BCL2: variants seen among roughly 807,000 people sequenced by gnomAD.
The protein encoded by BCL2 is apoptosis regulator Bcl-2.
A neutral mutation model predicts 14.2 loss-of-function variants in BCL2; 1 was observed. The ratio of observed to expected loss-of-function variants is 0.07; its 90% CI spans 0.02 to 0.33. The LOEUF is 0.33. Among genes scored for constraint, BCL2 ranks in the 10% least tolerant of loss-of-function variants. BCL2 has a pLI of 0.99. For synonymous variants in BCL2, 151 were observed against 137.2 expected (o/e 1.10, Z -0.70); for missense variants, 247 against 305.9 (o/e 0.81, Z 1.44).
In BCL2 at chr18:63,318,424, G is replaced by A. The variant is rs1488187470; in HGVS notation, c.243C>T (p.Ala81=). ...PLQTPAAPGA[A]AGPALSPVPP... is the part of the protein sequence containing the mutation. ...GCACCGGGCTGAGCGCAGGCCCCGC[G>A]GCGGCGCCGGGGGCAGCCGGGGTCT... The change falls in exon 2 of 3, where the codon GCC becomes GCT. Residue 81 remains alanine (A), a synonymous_variant. Transcript: ENST00000333681. The surrounding 1 kb of genome is among the most constrained non-coding windows in gnomAD (Gnocchi z 7.4). 6.7e-7 allele frequency: 1 copy of A among 1,490,774 alleles called. No individual in the cohort carries two copies. The highest frequency in any genetic ancestry group is 2.5e-5 in the East Asian group (1 of 40,418). The allele number at this position is 1,490,774 out of a possible 1,614,324, so 92.3% of individuals were successfully genotyped here.
At chr18:63,238,833 G>A (rs1910912480) in intron 2 of BCL2, among the ~76,000 whole-genome samples, 3 of 152,192 alleles carry the variant, frequency 2.0e-5, no homozygotes, top group African/African-American at 4.8e-5. Flanking sequence ...CAAGATGAGC[G>A]TATGGATTGT....
rs753658525 is a variant in BCL2 at position 63,240,144 on chromosome 18, C to G, written c.585+77938G>C. ...AGCTGGGACTACAGACGTGCCACCACGTTTGGTTAATTTTTGTATTTCTTG... is the reference window on the plus strand; with the variant it reads ...AGCTGGGACTACAGACGTGCCACCAGGTTTGGTTAATTTTTGTATTTCTTG... On this transcript the variant is annotated intron_variant, in intron 2 of 2. Transcript: ENST00000333681. Among the ~76,000 whole-genome samples the G allele has an allele frequency of 3.8e-4, 58 of 152,106 alleles. No homozygotes were observed. The Middle Eastern group carries it at 0.024, about 62-fold the overall frequency.
At chr18:63,313,752 C>T (rs1478703955) in intron 2 of BCL2, 2 of 152,144 alleles carry the variant, frequency 1.3e-5, no homozygotes, top group Non-Finnish European at 2.9e-5. Flanking sequence ...TATCATCCCT[C>T]CAAATAGCGC....
chr18:63,319,271 C>G lies in BCL2; in HGVS notation c.-384G>C, dbSNP rs1301467011. On this transcript the variant is annotated 5_prime_UTR_variant, in exon 1 of 3. Coordinates refer to ENST00000333681, the MANE Select transcript of BCL2 (RefSeq NM_000633.3). ...AACGATCCCATCAATCTTCAGCACT[C>G]TCCAGTTATAGCTGATTTGAAACTT... 3 of 231,842 alleles carry G rather than the reference C, an allele frequency of 1.3e-5. No individual in the cohort carries two copies. The highest frequency in any genetic ancestry group is 2.5e-5 in the Non-Finnish European group (3 of 118,064). 14.4% of individuals were successfully genotyped at this position (231,842 alleles called of 1,614,324 possible). A position where few individuals can be genotyped will look rare whatever the true frequency, so the allele number is the denominator to read the frequency against.
chr18:63,240,608 C>T (rs2144191505), intron 2 of BCL2, among the ~76,000 whole-genome samples: 1 of 152,344 alleles, frequency 6.6e-6, no homozygotes, highest in South Asian at 2.1e-4. Context: ...AGCCTGATTT[C>T]TCATGAAGTT....
At chr18:63,208,448 G>C (rs546444812) in intron 2 of BCL2, among the ~76,000 whole-genome samples, 1 of 152,104 alleles carries the variant, frequency 6.6e-6, no homozygotes, top group Non-Finnish European at 1.5e-5. Flanking sequence ...ATTTTACAAG[G>C]GGACATGGTA....
intron 2 of BCL2, among the ~76,000 whole-genome samples, chr18:63,198,037 G>C (rs1435674446): frequency 6.6e-6 from 1 of 152,196 alleles, no homozygotes; most frequent in East Asian, 1.9e-4. Flanking sequence ...TTGTAAGAAA[G>C]TAGTTTATTT....
chr18:63,210,414 GCT>G (rs1568234695), intron 2 of BCL2, among the ~76,000 whole-genome samples: 2 of 152,136 alleles, frequency 1.3e-5, no homozygotes, highest in Non-Finnish European at 2.9e-5. Flanking sequence ...TGAAAGATTA[GCT>G]CTGAGTCTTT....
intron 2 of BCL2, among the ~76,000 whole-genome samples, chr18:63,196,535 C>T (rs144029290): frequency 3.3e-5 from 5 of 151,998 alleles, no homozygotes; most frequent in African/African-American, 1.2e-4. Context: ...ATAATGCAAT[C>T]GTTTCTCTCT....
intron 2 of BCL2, among the ~76,000 whole-genome samples, chr18:63,202,520 A>G (rs1232560773): frequency 6.6e-6 from 1 of 152,100 alleles, no homozygotes; most frequent in African/African-American, 2.4e-5. Flanking sequence ...CAGCTCTAAC[A>G]TTTTGTGACT....
intron 2 of BCL2, among the ~76,000 whole-genome samples, chr18:63,231,900 T>C (rs1910698398): frequency 1.3e-5 from 2 of 152,122 alleles, no homozygotes; most frequent in African/African-American, 2.4e-5. Context: ...ATATGGGGAC[T>C]TGTCCTACCA....
intron 2 of BCL2, among the ~76,000 whole-genome samples, chr18:63,141,003 G>A (rs1407080739): frequency 6.6e-6 from 1 of 152,202 alleles, no homozygotes; most frequent in Non-Finnish European, 1.5e-5. Flanking sequence ...AGGAAGAACT[G>A]TAGTAGGAGG....
At chr18:63,219,506 G>C (rs1440798289) in intron 2 of BCL2, among the ~76,000 whole-genome samples, 2 of 141,952 alleles carry the variant, frequency 1.4e-5, no homozygotes, top group African/African-American at 5.3e-5. Context: ...GCCCAGGGTA[G>C]AACACAGTGG....
chr18:63,190,484 C>G (rs975469964), intron 2 of BCL2, among the ~76,000 whole-genome samples: 2 of 152,190 alleles, frequency 1.3e-5, no homozygotes, highest in African/African-American at 4.8e-5. Context: ...GTATCAGAAG[C>G]TGGACACCAA....
chr18:63,188,677 T>C (rs1915649656), intron 2 of BCL2, among the ~76,000 whole-genome samples: 1 of 151,968 alleles, frequency 6.6e-6, no homozygotes, highest in Non-Finnish European at 1.5e-5. Flanking sequence ...CAAATCTTAA[T>C]TTGTATTAAT....
chr18:63,205,194 A>T (rs1194900561), intron 2 of BCL2, among the ~76,000 whole-genome samples: 1 of 152,268 alleles, frequency 6.6e-6, no homozygotes, highest in Non-Finnish European at 1.5e-5. Context: ...TAATTCTGCT[A>T]TGCAACCATC....
chr18:63,179,418 G>A (rs1192789276), intron 2 of BCL2, among the ~76,000 whole-genome samples: 2 of 152,132 alleles, frequency 1.3e-5, no homozygotes, highest in African/African-American at 4.8e-5. Context: ...TCCCTCTAGG[G>A]CCCCTGGGGC....
chr18:63,249,549 A>G (rs995713328), intron 2 of BCL2, among the ~76,000 whole-genome samples: 4 of 152,106 alleles, frequency 2.6e-5, no homozygotes, highest in Non-Finnish European at 4.4e-5. Flanking sequence ...TCTACTAAAA[A>G]TGCCAAAAAA....
At position 63,149,501 on chromosome 18, in the gene BCL2, TTCTG is replaced by T. The variant is rs1471033100; in HGVS notation, c.586-20746_586-20743del. ...GCTGGTGCCAGACGACTTTCGCTTG[TTCTG>T]TCTCTGTTTCTCTTCTAGCCCAGGG... On this transcript the variant is annotated intron_variant, in intron 2 of 2. Coordinates refer to ENST00000333681, the MANE Select transcript of BCL2 (RefSeq NM_000633.3). This position sits in a 1 kb window ranked among gnomAD's most constrained non-coding sequence, Gnocchi z 4.2. 1.3e-5 allele frequency among the ~76,000 whole-genome samples: 2 copies of T among 152,186 alleles called. No homozygotes were observed. The highest frequency in any genetic ancestry group is 4.8e-5 in the African/African-American group (2 of 41,444).
Sources: allele counts gnomAD v4.1 joint callset (sites outside exome capture counted in the v4.1 genomes callset), GRCh38; gene constraint gnomAD v4.1.1; non-coding constraint Gnocchi (gnomAD v3.1); transcripts MANE v1.5; gene names NCBI Gene and HGNC (gene_info 2026-07-23, HGNC 2026-07-21).